The following DTNBP1 variants were observed in gnomAD, a reference collection of about 807,000 sequenced individuals.
DTNBP1 encodes the protein dysbindin.
A neutral mutation model predicts 42.8 loss-of-function variants in DTNBP1; 35 were observed. The ratio of observed to expected loss-of-function variants is 0.82; its 90% confidence interval spans 0.63 to 1.09. DTNBP1 has a LOEUF of 1.09. Among genes scored for constraint, DTNBP1 ranks in the 50% least tolerant of loss-of-function variants. DTNBP1 has a pLI of 0.00. For missense variants in DTNBP1, 457 were observed against 424.2 expected, an observed-to-expected ratio of 1.08 and a Z score of -0.68; for synonymous variants, 171 against 162.2, an observed-to-expected ratio of 1.05 and a Z score of -0.41.
intron 1 of DTNBP1, among the ~76,000 whole-genome samples, chr6:15,662,335 G>A (rs974644933): frequency 2.0e-5 from 3 of 152,228 alleles, no homozygotes; most frequent in Non-Finnish European, 4.4e-5. Flanking sequence ...GCGGAAGGCT[G>A]TGGCCGGAGG....
At chr6:15,602,479 C>A (rs1048708389) in intron 6 of DTNBP1, among the ~76,000 whole-genome samples, 2 of 152,176 alleles carry the variant, frequency 1.3e-5, no homozygotes, top group African/African-American at 4.8e-5. Context: ...TAGCTACATT[C>A]AACTGAAGAC....
Position 15,651,353 on chromosome 6 carries a change from ATGGAACAGTCC to A in DTNBP1, c.111-1_120del. ...AATCCAGCAGAGTACTTTGGCAAAA[ATGGAACAGTCC>A]TGCCCAAAAGAAACACTTATTAAAA... On this transcript the variant is annotated splice_acceptor_variant and coding_sequence_variant, in exon 3 of 10. Coordinates refer to ENST00000344537, the MANE Select transcript of DTNBP1 (RefSeq NM_032122.5). LOFTEE classifies it high-confidence loss of function. The A allele has an allele frequency of 5.0e-6, 8 of 1,612,038 alleles. No individual in the cohort carries two copies. Among genetic ancestry groups the A allele is most frequent in the Non-Finnish European group, 5.9e-6 (7 of 1,179,756 alleles).
chr6:15,580,091 C>A (rs983097688), intron 7 of DTNBP1, among the ~76,000 whole-genome samples: 1 of 152,084 alleles, frequency 6.6e-6, no homozygotes, highest in African/African-American at 2.4e-5. Flanking sequence ...ATAAATATGA[C>A]AATTTGAAAC....
At position 15,533,589 on chromosome 6, in the gene DTNBP1, C is replaced by T. The variant is rs182078752; in HGVS notation, c.512-194G>A. 1.9e-5 allele frequency: 17 copies of T among 918,830 alleles called. No homozygotes were observed. In the East Asian group the frequency reaches 2.0e-4, roughly 11 times the overall value. The allele number at this position is 918,830 out of a possible 1,614,324, so 56.9% of individuals were successfully genotyped here. A position where few individuals can be genotyped will look rare whatever the true frequency, so the allele number is the denominator to read the frequency against. On this transcript the variant is annotated intron_variant, in intron 7 of 9. Transcript: ENST00000344537. ...GCTGCACTTCCTCCCCCTACCTGGG[C>T]GGTCAGGGTCAGGCCCTTCGTTCCA... is the stretch of plus-strand genomic sequence containing the variant.
At chr6:15,579,918 T>A (rs1411012962) in intron 7 of DTNBP1, 1 of 429,504 alleles carries the variant, frequency 2.3e-6, no homozygotes, top group Non-Finnish European at 4.8e-6. Context: ...ATTACATATA[T>A]GTATCAAAAC....
intron 3 of DTNBP1, among the ~76,000 whole-genome samples, chr6:15,645,570 C>T (rs1426394219): frequency 6.6e-6 from 1 of 152,086 alleles, no homozygotes; most frequent in Admixed American, 6.5e-5. Flanking sequence ...TCCAACAGCA[C>T]ATCAAAGAGA....
intron 5 of DTNBP1, among the ~76,000 whole-genome samples, chr6:15,618,186 A>C (rs1434848724): frequency 6.6e-6 from 1 of 152,230 alleles, no homozygotes; most frequent in Non-Finnish European, 1.5e-5. Context: ...AACCTATTAA[A>C]AATGGGCAAA....
intron 1 of DTNBP1, chr6:15,660,354 G>C: frequency 7.8e-7 from 1 of 1,289,658 alleles, no homozygotes; most frequent in Non-Finnish European, 1.0e-6. Flanking sequence ...AAGTTTAACC[G>C]AACAGCTTAA....
chr6:15,650,881 T>A (rs949595822), intron 3 of DTNBP1, among the ~76,000 whole-genome samples: 11 of 152,234 alleles, frequency 7.2e-5, no homozygotes, highest in African/African-American at 2.7e-4. Context: ...AAGTCCATTG[T>A]GTCTAATTTT....
At chr6:15,633,695 T>C (rs936697213) in intron 4 of DTNBP1, among the ~76,000 whole-genome samples, 1 of 152,150 alleles carries the variant, frequency 6.6e-6, no homozygotes, top group Non-Finnish European at 1.5e-5. Context: ...GAAGAGTCAA[T>C]AGATGCAGCA....
intron 7 of DTNBP1, among the ~76,000 whole-genome samples, chr6:15,566,477 A>G (rs1302285872): frequency 1.3e-5 from 2 of 152,190 alleles, no homozygotes; most frequent in Non-Finnish European, 2.9e-5. Flanking sequence ...TGGAGTTTAG[A>G]CAGGCTGACC....
At chr6:15,564,526 G>C (rs1175673319) in intron 7 of DTNBP1, among the ~76,000 whole-genome samples, 1 of 151,884 alleles carries the variant, frequency 6.6e-6, no homozygotes. Context: ...TCATGCCTCA[G>C]CCTCCCAAGT....
intron 7 of DTNBP1, among the ~76,000 whole-genome samples, chr6:15,540,637 T>C (rs1390367931): frequency 2.6e-5 from 4 of 152,190 alleles, no homozygotes; most frequent in Non-Finnish European, 5.9e-5. Flanking sequence ...ATTAGGAAAC[T>C]TAAAATGACT....
Position 15,605,538 on chromosome 6 carries a change from T to A in DTNBP1, c.488+9729A>T, listed in dbSNP as rs535623725. Among the ~76,000 whole-genome samples the A allele has an allele frequency of 7.9e-5, 12 of 152,322 alleles. No homozygotes were observed. The East Asian group carries it at 1.7e-3, about 22-fold the overall frequency. On this transcript the variant is annotated intron_variant, in intron 6 of 9. Coordinates refer to ENST00000344537, the MANE Select transcript of DTNBP1 (RefSeq NM_032122.5). The stretch of plus-strand genomic sequence containing the variant: ...ACTCCATTTTATTTCCTTTGAGGTT[T>A]ATATTATTGTCTGAAATTATTCTTT...
rs1302245669 is a variant in DTNBP1, at chr6:15,662,842, G to A, written c.28C>T (p.Leu10=). The A allele has an allele frequency of 6.2e-7, 1 of 1,609,164 alleles. No homozygotes were observed. Among genetic ancestry groups the A allele is most frequent in the Non-Finnish European group, 8.5e-7 (1 of 1,179,538 alleles). MLETLRERL[L]SVQQDFTSGL... is the part of the protein sequence containing the mutation. Reference sequence around the variant, plus strand: ...GAGGTGAAATCCTGCTGCACGCTCAGCAGCCGCTCGCGAAGGGTCTCCAGC... The same window carrying A: ...GAGGTGAAATCCTGCTGCACGCTCAACAGCCGCTCGCGAAGGGTCTCCAGC... The change falls in exon 1 of 10, where the codon CTG becomes TTG. Residue 10 remains leucine, a synonymous_variant. Coordinates refer to ENST00000344537, the MANE Select transcript of DTNBP1 (RefSeq NM_032122.5).
chr6:15,644,306 C>A (rs948391968), intron 3 of DTNBP1, among the ~76,000 whole-genome samples: 10 of 151,774 alleles, frequency 6.6e-5, no homozygotes, highest in African/African-American at 2.4e-4. Flanking sequence ...ACTACTAGAA[C>A]CGAAAAAGAG....
At chr6:15,606,427 TG>T (rs1758057893) in intron 6 of DTNBP1, among the ~76,000 whole-genome samples, 1 of 152,102 alleles carries the variant, frequency 6.6e-6, no homozygotes, top group Non-Finnish European at 1.5e-5. Context: ...TGTGGTGGTG[TG>T]GTGGGAGCCT....
At chr6:15,540,016 T>TA (rs577939903) in intron 7 of DTNBP1, among the ~76,000 whole-genome samples, 3 of 152,310 alleles carry the variant, frequency 2.0e-5, no homozygotes, top group African/African-American at 7.2e-5. Flanking sequence ...CAGCTAATAT[T>TA]AATACCAGCA....
At chr6:15,589,914 T>C (rs1309647946) in intron 7 of DTNBP1, among the ~76,000 whole-genome samples, 1 of 152,194 alleles carries the variant, frequency 6.6e-6, no homozygotes, top group Non-Finnish European at 1.5e-5. Context: ...ATGTCACCTT[T>C]ATTTCCTAAC....
Sources: gnomAD v4.1 joint callset for allele counts (sites outside exome capture counted in the v4.1 genomes callset) on GRCh38, gnomAD v4.1.1 for gene constraint, MANE v1.5 for transcripts, NCBI Gene and HGNC (gene_info 2026-07-23, HGNC 2026-07-21) for gene names.